Variants in PRKG1 observed in about 807,000 individuals in gnomAD.
PRKG1 encodes protein kinase cGMP-dependent 1.
In PRKG1, 35 loss-of-function variants were observed where a neutral mutation model predicts 88.1. The ratio of observed to expected loss-of-function variants is 0.40; its 90% confidence interval spans 0.30 to 0.53. The LOEUF (loss-of-function observed/expected upper bound fraction) is 0.53. Among genes scored for constraint, PRKG1 ranks in the 20% least tolerant of loss-of-function variants. The pLI is 0.59. For missense variants in PRKG1, 540 were observed against 839.8 expected (o/e 0.64, Z 4.41); for synonymous variants, 303 against 292.5 (o/e 1.04, Z -0.37).
intron 3 of PRKG1, among the ~76,000 whole-genome samples, chr10:51,786,189 G>A (rs1740403356): frequency 2.6e-5 from 4 of 152,054 alleles, no homozygotes; most frequent in Admixed American, 2.6e-4. Flanking sequence ...TTAATTTTTG[G>A]CTAAGATCTA....
chr10:51,553,250 C>T (rs1474350098), intron 3 of PRKG1, among the ~76,000 whole-genome samples: 1 of 151,662 alleles, frequency 6.6e-6, no homozygotes, highest in Non-Finnish European at 1.5e-5. Flanking sequence ...AAAGCTGTAA[C>T]TCCCTTCACT....
chr10:51,530,917 G>A (rs940453019), intron 3 of PRKG1, among the ~76,000 whole-genome samples: 1 of 152,136 alleles, frequency 6.6e-6, no homozygotes, highest in Non-Finnish European at 1.5e-5. Flanking sequence ...TGGGCCCGGG[G>A]TTTGGAAACA....
intron 3 of PRKG1, among the ~76,000 whole-genome samples, chr10:51,589,134 T>C (rs1422105222): frequency 3.3e-5 from 5 of 152,140 alleles, no homozygotes; most frequent in Non-Finnish European, 7.4e-5. Context: ...TAACTGGATA[T>C]TCATGAACTA....
At chr10:51,252,219 T>C (rs530906754) in intron 2 of PRKG1, among the ~76,000 whole-genome samples, 2 of 151,944 alleles carry the variant, frequency 1.3e-5, no homozygotes, top group African/African-American at 2.4e-5. Context: ...TATTGTATAG[T>C]ATTTGTCTTC....
intron 5 of PRKG1, among the ~76,000 whole-genome samples, chr10:51,917,982 G>T (rs1209274741): frequency 6.6e-6 from 1 of 151,996 alleles, no homozygotes; most frequent in Non-Finnish European, 1.5e-5. Flanking sequence ...CCTTTAACTG[G>T]GTTCCTATAT....
chr10:51,982,624 G>A (rs573868483), intron 5 of PRKG1, among the ~76,000 whole-genome samples: 1 of 152,276 alleles, frequency 6.6e-6, no homozygotes, highest in East Asian at 1.9e-4. Flanking sequence ...TAACTCTGGG[G>A]GACTTTTATC....
intron 3 of PRKG1, among the ~76,000 whole-genome samples, chr10:51,684,287 T>C (rs1313705110): frequency 1.3e-5 from 2 of 152,072 alleles, no homozygotes; most frequent in Admixed American, 6.5e-5. Flanking sequence ...ATCCAGAATA[T>C]CTATAGTGAG....
At chr10:52,278,656 G>T (rs1176228137) in intron 12 of PRKG1, among the ~76,000 whole-genome samples, 1 of 152,036 alleles carries the variant, frequency 6.6e-6, no homozygotes, top group African/African-American at 2.4e-5. Flanking sequence ...GGCTGGGCAT[G>T]GTGGCTCACG....
At chr10:51,059,464 A>G (rs1843670427) in intron 1 of PRKG1, among the ~76,000 whole-genome samples, 2 of 152,190 alleles carry the variant, frequency 1.3e-5, no homozygotes, top group Admixed American at 6.5e-5. Flanking sequence ...TGGTGCAATC[A>G]TAGCTCTCTG....
chr10:51,533,419 G>T (rs1228680172), intron 3 of PRKG1, among the ~76,000 whole-genome samples: 1 of 152,096 alleles, frequency 6.6e-6, no homozygotes, highest in Non-Finnish European at 1.5e-5. Flanking sequence ...GGTAGTACTG[G>T]AACTAAGTCC....
chr10:51,380,636 CATG>C (rs1837059424), intron 2 of PRKG1, among the ~76,000 whole-genome samples: 1 of 152,040 alleles, frequency 6.6e-6, no homozygotes, highest in Non-Finnish European at 1.5e-5. Flanking sequence ...ATTTTCAAGG[CATG>C]ATAAATCTAA....
chr10:51,628,148 CTTTCTTTCTTTCT>C (rs1564580122), intron 3 of PRKG1, among the ~76,000 whole-genome samples: 1 of 26,744 alleles, frequency 3.7e-5, no homozygotes, highest in East Asian at 1.4e-3. Context: ...TTCTTTCTTT[CTTTCTTTCTTTCT>C]TTATTTATTT....
At chr10:51,855,795 C>T (rs536412271) in intron 4 of PRKG1, among the ~76,000 whole-genome samples, 29 of 152,208 alleles carry the variant, frequency 1.9e-4, no homozygotes, top group African/African-American at 6.0e-4. Flanking sequence ...AAGAAAAAAG[C>T]GTTTATTGGA....
chr10:51,586,732 T>C (rs1564562394), intron 3 of PRKG1, among the ~76,000 whole-genome samples: 1 of 152,142 alleles, frequency 6.6e-6, no homozygotes. Flanking sequence ...CTATTTTTCC[T>C]ACTGTCTGAT....
chr10:51,832,229 G>A (rs1360770170), intron 4 of PRKG1, among the ~76,000 whole-genome samples: 2 of 152,134 alleles, frequency 1.3e-5, no homozygotes, highest in Non-Finnish European at 2.9e-5. Flanking sequence ...AAACTGTCAA[G>A]CAGTTAAAAA....
At chr10:51,338,366 T>C (rs1244576995) in intron 2 of PRKG1, among the ~76,000 whole-genome samples, 1 of 152,176 alleles carries the variant, frequency 6.6e-6, no homozygotes, top group Non-Finnish European at 1.5e-5. Context: ...CACATTTACC[T>C]ACGTAACAAA....
At chr10:51,175,331 A>G (rs1341140662) in intron 2 of PRKG1, among the ~76,000 whole-genome samples, 1 of 152,018 alleles carries the variant, frequency 6.6e-6, no homozygotes, top group African/African-American at 2.4e-5. Context: ...AAATACACAT[A>G]TATACACACA....
intron 2 of PRKG1, among the ~76,000 whole-genome samples, chr10:51,420,864 G>T (rs892481718): frequency 6.6e-6 from 1 of 152,150 alleles, no homozygotes; most frequent in South Asian, 2.1e-4. Flanking sequence ...GCAGGAGCGG[G>T]CACTTCACAT....
At chr10:51,138,723 A>G (rs1189434672) in intron 1 of PRKG1, among the ~76,000 whole-genome samples, 6 of 110,876 alleles carry the variant, frequency 5.4e-5, no homozygotes, top group Non-Finnish European at 1.0e-4. Context: ...TTACTCTGTC[A>G]CCAGGCTGGA....
Sources: allele counts gnomAD v4.1 joint callset (sites outside exome capture counted in the v4.1 genomes callset), GRCh38; gene constraint gnomAD v4.1.1; transcripts MANE v1.5; gene names NCBI Gene and HGNC (gene_info 2026-07-23, HGNC 2026-07-21).